Variants in NUP205 observed in about 807,000 individuals in gnomAD.
NUP205 encodes nuclear pore complex protein Nup205.
NUP205 carries 76 observed loss-of-function variants against 253.8 expected under a neutral mutation model. The ratio of observed to expected loss-of-function variants is 0.30; its 90% confidence interval spans 0.25 to 0.36. NUP205 has a LOEUF of 0.36. NUP205 is among the 10% of genes least tolerant of loss of function. The probability of loss-of-function intolerance (pLI) is 1.00; values close to 1 mark genes in which losing one functional copy is unlikely to be tolerated. For synonymous variants in NUP205, 832 were observed against 850.1 expected (o/e 0.98, Z 0.37); for missense variants, 2,162 against 2,425.5 (o/e 0.89, Z 2.28).
intron 1 of NUP205, among the ~76,000 whole-genome samples, chr7:135,558,840 A>G (rs1370814368): frequency 1.3e-5 from 2 of 152,202 alleles, no homozygotes; most frequent in African/African-American, 2.4e-5. Flanking sequence ...TTAAGAGTAT[A>G]TCTGTGTGGT....
intron 1 of NUP205, among the ~76,000 whole-genome samples, chr7:135,564,636 G>A (rs1805695994): frequency 1.3e-5 from 2 of 151,548 alleles, no homozygotes; most frequent in South Asian, 4.2e-4. Context: ...ACCTTGCTTG[G>A]GAGGCCTACC....
In NUP205 at chr7:135,622,843, A is replaced by T. The variant is rs1584680920; in HGVS notation, c.4397A>T (p.Asn1466Ile). 2 of 1,614,088 alleles carry T rather than the reference A, an allele frequency of 1.2e-6. No individual in the cohort carries two copies. The highest frequency in any genetic ancestry group is 1.7e-6 in the Non-Finnish European group (2 of 1,180,020). The change falls in exon 31 of 43, where the codon AAC becomes ATC. Residue 1466 changes from asparagine (N) to isoleucine (I), a missense_variant. Around this residue, in one of 5 missense-constraint regions of NUP205, gnomAD observed 1,144 missense variants for 1,280.9 expected, o/e 0.89. Coordinates refer to ENST00000285968, the MANE Select transcript of NUP205 (RefSeq NM_015135.3). ...EDVFSKLQRE[N>I]IAIIESYGAA... ...GTATTTAGCAAATTACAGCGAGAAAACATAGCCATTATTGAAAGTTATGGC... is the reference window on the plus strand; with the variant it reads ...GTATTTAGCAAATTACAGCGAGAAATCATAGCCATTATTGAAAGTTATGGC...
intron 33 of NUP205, among the ~76,000 whole-genome samples, chr7:135,626,888 A>G (rs1460026791): frequency 1.3e-5 from 2 of 152,188 alleles, no homozygotes; most frequent in African/African-American, 2.4e-5. Context: ...TGTTAGGTAG[A>G]TAGCATACCT....
intron 38 of NUP205, among the ~76,000 whole-genome samples, chr7:135,642,985 A>T (rs926953115): frequency 6.6e-6 from 1 of 152,082 alleles, no homozygotes; most frequent in Non-Finnish European, 1.5e-5. Context: ...CAGGATTTCC[A>T]GCCTTATGTA....
chr7:135,623,814 G>A (rs918340204), intron 31 of NUP205, among the ~76,000 whole-genome samples: 2 of 152,068 alleles, frequency 1.3e-5, no homozygotes, highest in African/African-American at 2.4e-5. Flanking sequence ...ATGGAGTCTC[G>A]CTCTGTCGCC....
At chr7:135,579,874 GA>G (rs1200623879) in intron 7 of NUP205, among the ~76,000 whole-genome samples, 1 of 152,234 alleles carries the variant, frequency 6.6e-6, no homozygotes. Context: ...TCGAACTCCT[GA>G]GCTCAGGTGA....
Position 135,577,968 on chromosome 7 carries a change from C to G in NUP205, c.821C>G (p.Ala274Gly). Residue 274 changes from alanine (A) to glycine (G), a missense_variant, in exon 6 of 43, where the codon GCG (alanine) becomes GGG (glycine). By Grantham distance (60) the Ala-to-Gly change is moderately conservative. Coordinates refer to ENST00000285968, the MANE Select transcript of NUP205 (RefSeq NM_015135.3). ...LDAVNLALLM[A>G]LLYCFDISFI... ...GCAGTGAATCTGGCTCTTCTTATGG[C>G]GCTTCTATACTGTTTTGATATCAGT... 1 of 1,613,862 alleles carries G rather than the reference C, an allele frequency of 6.2e-7. No homozygotes were observed. Among genetic ancestry groups the G allele is most frequent in the South Asian group, 1.1e-5 (1 of 91,066 alleles).
chr7:135,573,601 G>T, intron 2 of NUP205, 53 bp from the exon 3 acceptor site: 1 of 1,403,916 alleles, frequency 7.1e-7, no homozygotes, highest in South Asian at 1.3e-5. Flanking sequence ...AACACTTTGG[G>T]ACCTTGTCTC....
intron 38 of NUP205, among the ~76,000 whole-genome samples, chr7:135,641,962 C>A (rs1794921433): frequency 6.6e-6 from 1 of 150,786 alleles, no homozygotes; most frequent in South Asian, 2.1e-4. Context: ...CTTGAAATTG[C>A]CACAGTGTTG....
At position 135,644,156 on chromosome 7, in the gene NUP205, A is replaced by G. The variant is rs576737002; in HGVS notation, c.5560-739A>G. On this transcript the variant is annotated intron_variant, in intron 39 of 42. Coordinates refer to ENST00000285968, the MANE Select transcript of NUP205 (RefSeq NM_015135.3). ...GATATTGTTTCTATTCTCATTTCTC[A>G]TGTGAGGAAACTGAGGCACAGAAGA... Among the ~76,000 whole-genome samples the G allele has an allele frequency of 5.3e-5, 8 of 152,264 alleles. No individual in the cohort carries two copies. The South Asian group carries it at 6.2e-4, about 12-fold the overall frequency.
At chr7:135,598,510 A>G (rs1292782195) in intron 15 of NUP205, among the ~76,000 whole-genome samples, 1 of 152,236 alleles carries the variant, frequency 6.6e-6, no homozygotes, top group Non-Finnish European at 1.5e-5. Flanking sequence ...TTGGAAACAC[A>G]CTACTACTGC....
intron 1 of NUP205, among the ~76,000 whole-genome samples, chr7:135,567,869 G>T (rs1208146956): frequency 6.6e-6 from 1 of 152,122 alleles, no homozygotes; most frequent in East Asian, 1.9e-4. Flanking sequence ...TACCTTATCT[G>T]CTTATTTCCA....
At chr7:135,620,335 A>G (rs2129491433) in intron 30 of NUP205, among the ~76,000 whole-genome samples, 1 of 152,324 alleles carries the variant, frequency 6.6e-6, no homozygotes, top group East Asian at 1.9e-4. Context: ...GGAGTTCGAG[A>G]CCAGCTTGGC....
At chr7:135,577,508 C>G (rs1806183049) in intron 5 of NUP205, among the ~76,000 whole-genome samples, 1 of 152,090 alleles carries the variant, frequency 6.6e-6, no homozygotes, top group South Asian at 2.1e-4. Flanking sequence ...TCAGCTGTGT[C>G]CATAAAATTG....
chr7:135,587,829 C>A, intron 9 of NUP205, 26 bp from the exon 10 acceptor site: 1 of 1,593,798 alleles, frequency 6.3e-7, no homozygotes, highest in Non-Finnish European at 8.5e-7. Flanking sequence ...AGACATTTCC[C>A]TACAGTCTTT....
At chr7:135,570,395 A>G (rs1805923545) in intron 1 of NUP205, among the ~76,000 whole-genome samples, 2 of 151,302 alleles carry the variant, frequency 1.3e-5, no homozygotes. Context: ...TTGTATTTTT[A>G]GTAGAGACGG....
intron 8 of NUP205, among the ~76,000 whole-genome samples, chr7:135,586,644 A>G (rs1806472726): frequency 6.6e-6 from 1 of 152,112 alleles, no homozygotes; most frequent in Non-Finnish European, 1.5e-5. Context: ...TCAGTTTAAT[A>G]TGTTTTCTAA....
Position 135,622,945 on chromosome 7 carries a change from G to C in NUP205, c.4479+20G>C, listed in dbSNP as rs919969255. The C allele has an allele frequency of 1.4e-5, 22 of 1,607,816 alleles. No homozygotes were observed. The highest frequency in any genetic ancestry group is 1.8e-5 in the Non-Finnish European group (21 of 1,176,006). On this transcript the variant is annotated intron_variant, in intron 31 of 42. Transcript: ENST00000285968. ...GGAAGGGTAAAGCAACTCTTATTTA[G>C]TATTATAATTGAATAAGTATTTTGA...
chr7:135,635,944 A>G (rs202045010), intron 36 of NUP205, among the ~76,000 whole-genome samples: 1 of 152,194 alleles, frequency 6.6e-6, no homozygotes, highest in East Asian at 1.9e-4. Flanking sequence ...CTGAAACTCA[A>G]TATAATTACA....
Sources: gnomAD v4.1 joint callset for allele counts (sites outside exome capture counted in the v4.1 genomes callset) on GRCh38, gnomAD v4.1.1 for gene constraint, gnomAD v4.1.1 regional missense constraint, MANE v1.5 for transcripts, NCBI Gene and HGNC (gene_info 2026-07-23, HGNC 2026-07-21) for gene names.